Variants in HEPHL1 observed in about 807,000 individuals in gnomAD.
The protein encoded by HEPHL1 is ferroxidase HEPHL1.
Under a neutral mutation model 122.0 loss-of-function variants are expected in HEPHL1, and 123 were observed. The observed-to-expected ratio is 1.01, with a 90% CI of 0.87 to 1.17. The LOEUF is 1.17. Among genes scored for constraint, HEPHL1 ranks in the 50% most tolerant of loss-of-function variants. HEPHL1 has a pLI of 0.00. For missense variants in HEPHL1, 1,452 were observed against 1,430.5 expected (o/e 1.01, Z -0.24); for synonymous variants, 527 against 508.9 (o/e 1.04, Z -0.48).
intron 1 of HEPHL1, among the ~76,000 whole-genome samples, chr11:94,036,661 C>T (rs936988082): frequency 2.0e-5 from 3 of 151,860 alleles, no homozygotes; most frequent in Non-Finnish European, 2.9e-5. Flanking sequence ...ATGGTGAAAC[C>T]CCATCTCTAC....
At chr11:94,105,783 T>C (rs1946403048) in intron 16 of HEPHL1, among the ~76,000 whole-genome samples, 1 of 152,164 alleles carries the variant, frequency 6.6e-6, no homozygotes, top group African/African-American at 2.4e-5. Flanking sequence ...AACTGCTATT[T>C]CTCTGTTCTC....
chr11:94,082,242 G>C (rs1257497359), intron 9 of HEPHL1, among the ~76,000 whole-genome samples, 176 bp from the exon 10 acceptor site: 1 of 152,194 alleles, frequency 6.6e-6, no homozygotes, highest in Non-Finnish European at 1.5e-5. Flanking sequence ...TCTGAGTGGG[G>C]AATAAATTCA....
chr11:94,090,055 T>G (rs1320902948), intron 12 of HEPHL1, among the ~76,000 whole-genome samples: 1 of 152,122 alleles, frequency 6.6e-6, no homozygotes, highest in Non-Finnish European at 1.5e-5. Context: ...TGGCCTTTGT[T>G]TTGAGGGGCT....
intron 18 of HEPHL1, 145 bp from the exon 19 acceptor site, chr11:94,111,392 G>A (rs1410264038): frequency 4.3e-5 from 31 of 716,276 alleles, no homozygotes; most frequent in Non-Finnish European, 7.3e-5. Flanking sequence ...CATGTACATG[G>A]GAATGAAGTA....
At chr11:94,109,779 T>C (rs1009486136) in intron 17 of HEPHL1, among the ~76,000 whole-genome samples, 1 of 152,186 alleles carries the variant, frequency 6.6e-6, no homozygotes, top group Non-Finnish European at 1.5e-5. Flanking sequence ...ATGAGGAGTA[T>C]TGATTGTAGC....
chr11:94,063,238 C>T (rs778134315), intron 2 of HEPHL1, among the ~76,000 whole-genome samples: 13 of 152,128 alleles, frequency 8.5e-5, no homozygotes, highest in Admixed American at 3.9e-4. Flanking sequence ...TTATTATGAA[C>T]ATTTATTAAG....
In HEPHL1 at chr11:94,082,554, C is replaced by T. The variant is rs764831658; in HGVS notation, c.1853C>T (p.Ser618Phe). 5 of 1,610,454 alleles carry T rather than the reference C, an allele frequency of 3.1e-6. No individual in the cohort carries two copies. The African/African-American group carries it at 4.0e-5, about 13-fold the overall frequency. Residue 618 changes from serine (S) to phenylalanine (F), a missense_variant, in exon 10 of 20, where the codon TCC becomes TTC. Ser to Phe is a radical substitution (Grantham distance 155). Transcript: ENST00000315765. ...IDKEDKEFVK[S>F]NRMHAVNGYM... Reference sequence around the variant, plus strand: ...AAAGAAGATAAAGAGTTTGTGAAATCCAACCGAATGCATGGTATGACAAAT... The same window carrying T: ...AAAGAAGATAAAGAGTTTGTGAAATTCAACCGAATGCATGGTATGACAAAT...
In HEPHL1 at chr11:94,106,003, A is replaced by C. The variant is rs1357777720; in HGVS notation, c.2918A>C (p.Lys973Thr). The part of the protein sequence containing the change: ...ESNRMHAING[K>T]IFGNLHGLIM... ...TCACCTTTTAAAGCCATTAATGGAAAGATTTTTGGGAATCTCCATGGCCTC... is the reference window on the plus strand; with the variant it reads ...TCACCTTTTAAAGCCATTAATGGAACGATTTTTGGGAATCTCCATGGCCTC... The change falls in exon 17 of 20, where the codon AAG becomes ACG. Residue 973 changes from lysine (K) to threonine (T), a missense_variant. Transcript: ENST00000315765. The C allele has an allele frequency of 6.3e-6, 10 of 1,575,306 alleles. No homozygotes were observed. Among genetic ancestry groups the C allele is most frequent in the African/African-American group, 1.3e-5 (1 of 74,174 alleles).
At chr11:94,043,561 G>A (rs1013001759) in intron 1 of HEPHL1, among the ~76,000 whole-genome samples, 29 of 152,102 alleles carry the variant, frequency 1.9e-4, no homozygotes, top group Non-Finnish European at 5.9e-5. Context: ...GTGGGGCTGG[G>A]GGATGGAACC....
intron 10 of HEPHL1, among the ~76,000 whole-genome samples, chr11:94,085,575 T>C (rs889401916): frequency 2.6e-5 from 4 of 152,086 alleles, no homozygotes; most frequent in African/African-American, 9.7e-5. Context: ...CACTGGCAAA[T>C]GAGGGTCTTG....
chr11:94,096,613 C>A (rs1946316773), intron 13 of HEPHL1, among the ~76,000 whole-genome samples: 1 of 152,092 alleles, frequency 6.6e-6, no homozygotes, highest in South Asian at 2.1e-4. Flanking sequence ...CTCCTTGTAC[C>A]TCTGGTAGAA....
intron 11 of HEPHL1, 109 bp downstream of exon 11, chr11:94,086,298 T>C (rs1946218012): frequency 1.2e-5 from 9 of 750,922 alleles, no homozygotes; most frequent in Non-Finnish European, 1.8e-5. Flanking sequence ...TCAAGTGGTG[T>C]AGAAATAGAT....
chr11:94,028,441 G>C (rs1438621482), intron 1 of HEPHL1, among the ~76,000 whole-genome samples: 1 of 152,162 alleles, frequency 6.6e-6, no homozygotes, highest in Non-Finnish European at 1.5e-5. Flanking sequence ...GTACTGTGTA[G>C]GGGATTCCCA....
At chr11:94,063,776 T>A in intron 3 of HEPHL1, 56 bp downstream of exon 3, 2 of 1,472,258 alleles carry the variant, frequency 1.4e-6, no homozygotes, top group Non-Finnish European at 1.9e-6. Flanking sequence ...AAGATTCAGG[T>A]CTTATTTTGC....
At chr11:94,036,602 C>T (rs563527107) in intron 1 of HEPHL1, among the ~76,000 whole-genome samples, 1 of 152,046 alleles carries the variant, frequency 6.6e-6, no homozygotes, top group African/African-American at 2.4e-5. Flanking sequence ...CTGGAATGAA[C>T]AAAACTGCAT....
At chr11:94,076,992 A>G (rs1946130931) in intron 9 of HEPHL1, among the ~76,000 whole-genome samples, 2 of 152,208 alleles carry the variant, frequency 1.3e-5, no homozygotes, top group Admixed American at 1.3e-4. Flanking sequence ...GACTTATGAA[A>G]AAGTAGAAAA....
At chr11:94,084,628 A>C (rs1355807823) in intron 10 of HEPHL1, among the ~76,000 whole-genome samples, 1 of 152,184 alleles carries the variant, frequency 6.6e-6, no homozygotes, top group Non-Finnish European at 1.5e-5. Context: ...CTGTTGTAGA[A>C]AGAGAGGCTT....
At chr11:94,058,202 C>T (rs1184619838) in intron 2 of HEPHL1, among the ~76,000 whole-genome samples, 1 of 152,142 alleles carries the variant, frequency 6.6e-6, no homozygotes, top group Admixed American at 6.6e-5. Context: ...AATCCTACTC[C>T]TCTTAGCTGA....
intron 1 of HEPHL1, among the ~76,000 whole-genome samples, chr11:94,043,525 G>T (rs1257190522): frequency 4.6e-5 from 7 of 152,048 alleles, no homozygotes; most frequent in African/African-American, 9.7e-5. Context: ...GTGCTTATAG[G>T]CTAGGCTGAG....
Sources: allele counts gnomAD v4.1 joint callset (sites outside exome capture counted in the v4.1 genomes callset), GRCh38; gene constraint gnomAD v4.1.1; transcripts MANE v1.5; gene names NCBI Gene and HGNC (gene_info 2026-07-23, HGNC 2026-07-21).